ATP5F1D: variants seen among roughly 807,000 people sequenced by gnomAD.
ATP5F1D encodes ATP synthase F(1) complex subunit delta, mitochondrial.
ATP5F1D carries 16 observed loss-of-function variants against 13.0 expected under a neutral mutation model. That is an observed-to-expected ratio of 1.23 (90% CI 0.83 to 1.87). The LOEUF (loss-of-function observed/expected upper bound fraction) is 1.87, where lower values mean the gene tolerates loss of function less well. Among genes scored for constraint, ATP5F1D ranks in the 40% most tolerant of loss-of-function variants. The probability of loss-of-function intolerance (pLI) is 0.00; values close to 1 mark genes in which losing one functional copy is unlikely to be tolerated. For synonymous variants in ATP5F1D, 129 were observed against 116.2 expected (o/e 1.11, Z -0.71); for missense variants, 294 against 246.2 (o/e 1.19, Z -1.30).
chr19:1,242,413 G>C (rs1300568798), intron 1 of ATP5F1D, 43 bp from the exon 2 acceptor site: 1 of 1,464,388 alleles, frequency 6.8e-7, no homozygotes, highest in Admixed American at 2.3e-5. Flanking sequence ...GTGGGCGCGG[G>C]GCCGGCCTGC....
At chr19:1,243,913 C>T (rs2081049522) in intron 2 of ATP5F1D, 184 bp from the exon 3 acceptor site, 1 of 623,878 alleles carries the variant, frequency 1.6e-6, no homozygotes, top group African/African-American at 1.8e-5. Flanking sequence ...TTGTTCTTCT[C>T]TAGCAGTTGC....
intron 3 of ATP5F1D, 50 bp from the exon 4 acceptor site, chr19:1,244,265 G>T: frequency 1.3e-6 from 2 of 1,579,820 alleles, no homozygotes; most frequent in Non-Finnish European, 1.7e-6. Flanking sequence ...GGGACCAGGA[G>T]CCGGGCTGGG....
Position 1,242,508 on chromosome 19 carries a change from G to A in ATP5F1D, c.194G>A (p.Gly65Glu), listed in dbSNP as rs2081042627. 2 of 1,553,378 alleles carry A rather than the reference G, an allele frequency of 1.3e-6. No individual in the cohort carries two copies. Among genetic ancestry groups the A allele is most frequent in the Non-Finnish European group, 1.7e-6 (2 of 1,148,930 alleles). ...VRQVDVPTLT[G>E]AFGILAAHVP... ...CAGGTGGACGTGCCCACGCTGACCG[G>A]AGCCTTCGGCATCCTGGCGGCCCAC... Residue 65 changes from glycine to glutamate, a missense_variant, in exon 2 of 4, where the codon GGA becomes GAA. Coordinates refer to ENST00000215375, the MANE Select transcript of ATP5F1D (RefSeq NM_001687.5).
Position 1,241,940 on chromosome 19 carries a change from T to C in ATP5F1D, c.90T>C (p.Ala30=). ...RAYAEAAAAP[A]AASGPNQMSF... ...ATGCCGAGGCCGCCGCCGCCCCGGC[T>C]GCCGCCTCTGGCCCCAACCAGATGT... The change falls in exon 1 of 4, where the codon GCT becomes GCC. Residue 30 remains alanine (A), a synonymous_variant. Coordinates refer to ENST00000215375, the MANE Select transcript of ATP5F1D (RefSeq NM_001687.5). 6.7e-7 allele frequency: 1 copy of C among 1,497,862 alleles called. No individual in the cohort carries two copies. Among genetic ancestry groups the C allele is most frequent in the Non-Finnish European group, 8.9e-7 (1 of 1,126,012 alleles). 92.8% of individuals were successfully genotyped at this position (1,497,862 alleles called of 1,614,324 possible). A position where few individuals can be genotyped will look rare whatever the true frequency, so the allele number is the denominator to read the frequency against.
At chr19:1,243,723 A>G (rs996587342) in intron 2 of ATP5F1D, among the ~76,000 whole-genome samples, 3 of 152,228 alleles carry the variant, frequency 2.0e-5, no homozygotes, top group Admixed American at 1.3e-4. Flanking sequence ...TCATTTGTGC[A>G]GGAAAAAAAG....
At position 1,244,697 on chromosome 19, in the gene ATP5F1D, C is replaced by T. The variant is rs888767419; in HGVS notation, c.*260C>T. On this transcript the variant is annotated 3_prime_UTR_variant, in exon 4 of 4. Coordinates refer to ENST00000215375, the MANE Select transcript of ATP5F1D (RefSeq NM_001687.5). Reference sequence around the variant, plus strand: ...TCTCCTTCCGCCTCTCAAGATCCCCCCAGCCTGACGGGCCGCTTACCATCC... The same window carrying T: ...TCTCCTTCCGCCTCTCAAGATCCCCTCAGCCTGACGGGCCGCTTACCATCC... 5.8e-6 allele frequency: 3 copies of T among 518,770 alleles called. No individual in the cohort carries two copies. The African/African-American group carries it at 5.8e-5, about 10-fold the overall frequency. 32.1% of individuals were successfully genotyped at this position (518,770 alleles called of 1,614,324 possible).
In ATP5F1D at chr19:1,242,481, G is replaced by A. The variant is rs371255218; in HGVS notation, c.167G>A (p.Arg56Gln). 13 of 1,536,076 alleles carry A rather than the reference G, an allele frequency of 8.5e-6. No homozygotes were observed. In the East Asian group the frequency reaches 1.5e-4, roughly 17 times the overall value. Residue 56 changes from arginine (R) to glutamine (Q), a missense_variant, in exon 2 of 4, where the codon CGG becomes CAG. Arg to Gln is a conservative substitution (Grantham distance 43). Transcript: ENST00000215375. ...GTGTTCTTCAACGGTGCCAACGTCC[G>A]GCAGGTGGACGTGCCCACGCTGACC... is the stretch of plus-strand genomic sequence containing the variant. ...TQVFFNGANV[R>Q]QVDVPTLTGA...
chr19:1,241,977 G>C lies in ATP5F1D; in HGVS notation c.127G>C (p.Ala43Pro). Reference protein sequence around the residue: ...SGPNQMSFTFASPTQVFFNGA... With the variant: ...SGPNQMSFTFPSPTQVFFNGA... Reference sequence around the variant, plus strand: ...CCCCAACCAGATGTCCTTCACCTTCGCCTCTCCCACGCAGGTTCGGGCGCT... The same window carrying C: ...CCCCAACCAGATGTCCTTCACCTTCCCCTCTCCCACGCAGGTTCGGGCGCT... Residue 43 changes from alanine (A) to proline (P), a missense_variant, in exon 1 of 4, where the codon GCC (alanine) becomes CCC (proline). Ala to Pro is a conservative substitution (Grantham distance 27). Coordinates refer to ENST00000215375, the MANE Select transcript of ATP5F1D (RefSeq NM_001687.5). 1 of 1,468,738 alleles carries C rather than the reference G, an allele frequency of 6.8e-7. No homozygotes were observed. Among genetic ancestry groups the C allele is most frequent in the Non-Finnish European group, 9.0e-7 (1 of 1,110,614 alleles). The allele number at this position is 1,468,738 out of a possible 1,614,324, so 91.0% of individuals were successfully genotyped here.
In ATP5F1D at chr19:1,244,381, G is replaced by A. The variant is rs866116135; in HGVS notation, c.451G>A (p.Ala151Thr). 1 of 1,577,326 alleles carries A rather than the reference G, an allele frequency of 6.3e-7. No individual in the cohort carries two copies. The highest frequency in any genetic ancestry group is 1.3e-5 in the African/African-American group (1 of 74,506). ...GGGGACAGCTGACGAGGCCACGCGGGCAGAGATCCAGATCCGAATCGAGGC... is the reference window on the plus strand; with the variant it reads ...GGGGACAGCTGACGAGGCCACGCGGACAGAGATCCAGATCCGAATCGAGGC... ...LVGTADEATRAEIQIRIEANE... is the reference protein window; with the variant it reads ...LVGTADEATRTEIQIRIEANE... The change falls in exon 4 of 4, where the codon GCA becomes ACA. Residue 151 changes from alanine (A) to threonine (T), a missense_variant. Ala to Thr is a moderately conservative substitution (Grantham distance 58, BLOSUM62 0). Coordinates refer to ENST00000215375, the MANE Select transcript of ATP5F1D (RefSeq NM_001687.5).
chr19:1,244,614 G>A lies in ATP5F1D; in HGVS notation c.*177G>A. The A allele has an allele frequency of 9.7e-7, 1 of 1,034,654 alleles. No homozygotes were observed. Among genetic ancestry groups the A allele is most frequent in the Non-Finnish European group, 1.4e-6 (1 of 726,220 alleles). The allele number at this position is 1,034,654 out of a possible 1,614,324, so 64.1% of individuals were successfully genotyped here. On this transcript the variant is annotated 3_prime_UTR_variant, in exon 4 of 4. Coordinates refer to ENST00000215375, the MANE Select transcript of ATP5F1D (RefSeq NM_001687.5). ...GGCCCTGCCTGTGTTGAAAGCTCTG[G>A]GGACTGGGCCAGGGAAGCTCCTCCT... is the stretch of plus-strand genomic sequence containing the variant.
At chr19:1,242,290 T>G (rs1207453946) in intron 1 of ATP5F1D, 166 bp from the exon 2 acceptor site, 5 of 890,054 alleles carry the variant, frequency 5.6e-6, no homozygotes, top group Non-Finnish European at 7.7e-6. Context: ...GAGGCGCAAC[T>G]GTTGAGGACC....
At position 1,244,636 on chromosome 19, in the gene ATP5F1D, T is replaced by TC. The variant is rs2081054634; in HGVS notation, c.*201dup. 17 of 835,994 alleles carry TC rather than the reference T, an allele frequency of 2.0e-5. No individual in the cohort carries two copies. The South Asian group carries it at 3.2e-4, about 16-fold the overall frequency. The allele number at this position is 835,994 out of a possible 1,614,324, so 51.8% of individuals were successfully genotyped here. On this transcript the variant is annotated 3_prime_UTR_variant, in exon 4 of 4. Coordinates refer to ENST00000215375, the MANE Select transcript of ATP5F1D (RefSeq NM_001687.5). ...CTGGGGACTGGGCCAGGGAAGCTCC[T>TC]CCTCAGCTTTGAGCTGTGGCTGCCA...
intron 1 of ATP5F1D, chr19:1,242,241 G>T: frequency 1.3e-6 from 1 of 764,324 alleles, no homozygotes; most frequent in Non-Finnish European, 1.8e-6. Flanking sequence ...CCTGGGTGTC[G>T]CCGGATCGTT....
chr19:1,242,911 G>C (rs2081045055), intron 2 of ATP5F1D: 2 of 203,874 alleles, frequency 9.8e-6, no homozygotes, highest in Admixed American at 6.0e-5. Flanking sequence ...GGGATCACGA[G>C]GTCAGGAGAT....
chr19:1,243,338 T>C (rs2081047072), intron 2 of ATP5F1D: 1 of 152,126 alleles, frequency 6.6e-6, no homozygotes, highest in African/African-American at 2.4e-5. Flanking sequence ...GGCAACATAG[T>C]GAGACCCTGT....
In ATP5F1D at chr19:1,244,666, T is replaced by G; in HGVS notation, c.*229T>G. On this transcript the variant is annotated 3_prime_UTR_variant, in exon 4 of 4. Transcript: ENST00000215375. ...AGCTTTGAGCTGTGGCTGCCACCCA[T>G]GGGGCTCTCCTTCCGCCTCTCAAGA... 1 of 626,448 alleles carries G rather than the reference T, an allele frequency of 1.6e-6. No individual in the cohort carries two copies. Among genetic ancestry groups the G allele is most frequent in the African/African-American group, 1.9e-5 (1 of 53,924 alleles). The allele number at this position is 626,448 out of a possible 1,614,324, so 38.8% of individuals were successfully genotyped here.
In ATP5F1D at chr19:1,244,597, C is replaced by T; in HGVS notation, c.*160C>T. ...CTTCTGCCTGGGCCCCAGGCCCTGCCTGTGTTGAAAGCTCTGGGGACTGGG... is the reference window on the plus strand; with the variant it reads ...CTTCTGCCTGGGCCCCAGGCCCTGCTTGTGTTGAAAGCTCTGGGGACTGGG... On this transcript the variant is annotated 3_prime_UTR_variant, in exon 4 of 4. Transcript: ENST00000215375. The T allele has an allele frequency of 8.3e-7, 1 of 1,199,896 alleles. No individual in the cohort carries two copies. Among genetic ancestry groups the T allele is most frequent in the Middle Eastern group, 2.9e-4 (1 of 3,422 alleles). 74.3% of individuals were successfully genotyped at this position (1,199,896 alleles called of 1,614,324 possible).
At position 1,244,320 on chromosome 19, in the gene ATP5F1D, C is replaced by G; in HGVS notation, c.390C>G (p.Ala130=). Residue 130 remains alanine (A), a synonymous_variant, in exon 4 of 4, where the codon GCC becomes GCG. Coordinates refer to ENST00000215375, the MANE Select transcript of ATP5F1D (RefSeq NM_001687.5). ...CGCCCCTCAACCCCTTGCAGGCAGC[C>G]AAGGCAAACTTGGAGAAGGCCCAGG... ...VTLDMLDLGA[A]KANLEKAQAE... 6.3e-7 allele frequency: 1 copy of G among 1,593,266 alleles called. No individual in the cohort carries two copies. Among genetic ancestry groups the G allele is most frequent in the South Asian group, 1.1e-5 (1 of 88,036 alleles).
At position 1,244,337 on chromosome 19, in the gene ATP5F1D, A is replaced by G; in HGVS notation, c.407A>G (p.Lys136Arg). The G allele has an allele frequency of 6.3e-7, 1 of 1,593,182 alleles. No homozygotes were observed. Among genetic ancestry groups the G allele is most frequent in the Non-Finnish European group, 8.5e-7 (1 of 1,170,384 alleles). ...CAGGCAGCCAAGGCAAACTTGGAGA[A>G]GGCCCAGGCGGAGCTGGTGGGGACA... ...DLGAAKANLEKAQAELVGTAD... is the reference protein window; with the variant it reads ...DLGAAKANLERAQAELVGTAD... The change falls in exon 4 of 4, where the codon AAG becomes AGG. Residue 136 changes from lysine to arginine, a missense_variant. Coordinates refer to ENST00000215375, the MANE Select transcript of ATP5F1D (RefSeq NM_001687.5).
Sources: gnomAD v4.1 joint callset for allele counts (sites outside exome capture counted in the v4.1 genomes callset) on GRCh38, gnomAD v4.1.1 for gene constraint, MANE v1.5 for transcripts, NCBI Gene and HGNC (gene_info 2026-07-23, HGNC 2026-07-21) for gene names.